The following CDH13 variants were observed in gnomAD, a reference collection of about 807,000 sequenced individuals.
CDH13 encodes the protein cadherin 13.
Under a neutral mutation model 63.8 loss-of-function variants are expected in CDH13, and 24 were observed. The observed-to-expected ratio is 0.38, with a 90% CI of 0.27 to 0.53. CDH13 has a LOEUF of 0.53. CDH13 is among the 20% of genes least tolerant of loss of function. The pLI, the probability that CDH13 is intolerant of heterozygous loss-of-function variation, is 0.85. For synonymous variants in CDH13, 503 were observed against 355.3 expected, an observed-to-expected ratio of 1.42 and a Z score of -4.67; for missense variants, 1,049 against 903.1, an observed-to-expected ratio of 1.16 and a Z score of -2.07.
chr16:83,414,598 G>C (rs565716165), intron 6 of CDH13, among the ~76,000 whole-genome samples: 39 of 152,220 alleles, frequency 2.6e-4, no homozygotes, highest in African/African-American at 8.7e-4. Context: ...GACCCTGACA[G>C]ACACCAATTC....
chr16:82,770,098 C>T (rs1443593108), intron 1 of CDH13, among the ~76,000 whole-genome samples: 1 of 152,204 alleles, frequency 6.6e-6, no homozygotes, highest in Non-Finnish European at 1.5e-5. Flanking sequence ...TTGGGAAGTT[C>T]TCCTTTGAGT....
chr16:83,699,004 T>A (rs1264658115), intron 10 of CDH13, among the ~76,000 whole-genome samples: 1 of 152,212 alleles, frequency 6.6e-6, no homozygotes, highest in Non-Finnish European at 1.5e-5. Context: ...GGTATCTTCA[T>A]TTGTGTGTGT....
At chr16:83,056,201 A>C (rs374532595) in intron 3 of CDH13, among the ~76,000 whole-genome samples, 130 of 152,334 alleles carry the variant, frequency 8.5e-4, no homozygotes, top group African/African-American at 2.7e-3. Context: ...TTAGAATTTA[A>C]AAAGTAAGTA....
rs79489979 is a variant in CDH13, at chr16:83,679,257, G to T, written c.1538+796G>T. Among the ~76,000 whole-genome samples, 508 of 152,262 alleles carry T rather than the reference G, an allele frequency of 3.3e-3. 6 individuals carry two copies. The highest frequency in any genetic ancestry group is 0.012 in the African/African-American group (489 of 41,544). On this transcript the variant is annotated intron_variant, in intron 10 of 13. Transcript: ENST00000567109. ...ATAAAAGATGCCCTCGTTGGTACATGGTTTCACAATAAACTTAAATCAGCG... is the reference window on the plus strand; with the variant it reads ...ATAAAAGATGCCCTCGTTGGTACATTGTTTCACAATAAACTTAAATCAGCG...
At chr16:83,726,582 T>C (rs1453841080) in intron 10 of CDH13, among the ~76,000 whole-genome samples, 1 of 152,148 alleles carries the variant, frequency 6.6e-6, no homozygotes, top group Non-Finnish European at 1.5e-5. Context: ...ACGCCTGTAA[T>C]CCCGGCCCTT....
chr16:83,293,720 G>A (rs2089519380), intron 5 of CDH13, among the ~76,000 whole-genome samples: 1 of 152,218 alleles, frequency 6.6e-6, no homozygotes, highest in African/African-American at 2.4e-5. Context: ...CAGAGCAGGT[G>A]TGGGAAAACA....
intron 3 of CDH13, among the ~76,000 whole-genome samples, chr16:83,124,580 T>A (rs936725474): frequency 5.9e-5 from 9 of 152,054 alleles, no homozygotes; most frequent in Non-Finnish European, 1.0e-4. Flanking sequence ...ATAAATCCTT[T>A]GCCGAGGCCA....
chr16:82,795,651 G>T (rs1158160056), intron 1 of CDH13, among the ~76,000 whole-genome samples: 1 of 152,124 alleles, frequency 6.6e-6, no homozygotes, highest in Non-Finnish European at 1.5e-5. Context: ...GTTAAGTAGG[G>T]GGACAGAGAC....
At chr16:83,617,618 T>G (rs886977688) in intron 8 of CDH13, among the ~76,000 whole-genome samples, 5 of 151,462 alleles carry the variant, frequency 3.3e-5, no homozygotes, top group African/African-American at 1.2e-4. Flanking sequence ...TATCTTAATA[T>G]GCACATATTC....
intron 2 of CDH13, among the ~76,000 whole-genome samples, chr16:83,004,013 T>G (rs1339368879): frequency 6.6e-6 from 1 of 152,208 alleles, no homozygotes; most frequent in African/African-American, 2.4e-5. Context: ...ATCGAATGTG[T>G]CAGACTAAAG....
At chr16:83,161,592 C>T (rs2037445675) in intron 4 of CDH13, among the ~76,000 whole-genome samples, 1 of 152,096 alleles carries the variant, frequency 6.6e-6, no homozygotes. Flanking sequence ...TGCCACTCAT[C>T]CACAACCACC....
chr16:83,385,927 A>T (rs2091664519), intron 6 of CDH13, among the ~76,000 whole-genome samples: 1 of 152,196 alleles, frequency 6.6e-6, no homozygotes. Context: ...GGTTATCACA[A>T]TGTAGTTTAT....
chr16:83,330,774 G>A (rs754653017), intron 5 of CDH13, among the ~76,000 whole-genome samples: 1 of 152,180 alleles, frequency 6.6e-6, no homozygotes, highest in Non-Finnish European at 1.5e-5. Flanking sequence ...TCATACGAAG[G>A]TTGGAACAGG....
intron 3 of CDH13, among the ~76,000 whole-genome samples, chr16:83,110,889 T>C (rs914492516): frequency 1.3e-5 from 2 of 151,900 alleles, no homozygotes; most frequent in African/African-American, 4.8e-5. Context: ...ACTTGGACTT[T>C]TCCTGTTTTC....
chr16:83,587,675 C>T (rs888712409), intron 7 of CDH13, among the ~76,000 whole-genome samples: 2 of 152,168 alleles, frequency 1.3e-5, no homozygotes, highest in African/African-American at 4.8e-5. Context: ...AGATTCCACA[C>T]AGATCATTTA....
intron 5 of CDH13, among the ~76,000 whole-genome samples, chr16:83,237,992 C>T (rs1037510967): frequency 1.3e-5 from 2 of 152,116 alleles, no homozygotes; most frequent in Admixed American, 6.5e-5. Context: ...GAATTTAATC[C>T]CAGATGTTCT....
At chr16:83,550,728 T>C (rs1390808336) in intron 7 of CDH13, among the ~76,000 whole-genome samples, 1 of 152,192 alleles carries the variant, frequency 6.6e-6, no homozygotes, top group African/African-American at 2.4e-5. Context: ...TTCTATCCTT[T>C]GTTGCTGACA....
chr16:83,741,766 A>T (rs954172699), intron 10 of CDH13, among the ~76,000 whole-genome samples: 19 of 152,270 alleles, frequency 1.2e-4, no homozygotes, highest in African/African-American at 4.6e-4. Context: ...ATGCTGCGCA[A>T]ACATGGGTCC....
intron 1 of CDH13, among the ~76,000 whole-genome samples, chr16:82,747,794 A>T (rs1471177944): frequency 1.3e-5 from 2 of 152,244 alleles, no homozygotes; most frequent in African/African-American, 4.8e-5. Flanking sequence ...CTTGGGATTT[A>T]GGAATAGCAG....
Sources: gnomAD v4.1 joint callset for allele counts (sites outside exome capture counted in the v4.1 genomes callset) on GRCh38, gnomAD v4.1.1 for gene constraint, MANE v1.5 for transcripts, NCBI Gene and HGNC (gene_info 2026-07-23, HGNC 2026-07-21) for gene names.